SLC35F1: variants seen among roughly 807,000 people sequenced by gnomAD.
The protein encoded by SLC35F1 is solute carrier family 35 member F1.
A neutral mutation model predicts 48.7 loss-of-function variants in SLC35F1; 14 were observed. The ratio of observed to expected loss-of-function variants is 0.29; its 90% CI spans 0.19 to 0.45. SLC35F1 has a LOEUF of 0.45. Ranked by LOEUF, SLC35F1 falls within the 20% of genes least tolerant of loss-of-function variation. The pLI, the probability that SLC35F1 is intolerant of heterozygous loss-of-function variation, is 1.00. For synonymous variants in SLC35F1, 190 were observed against 202.2 expected, an observed-to-expected ratio of 0.94 and a Z score of 0.51; for missense variants, 404 against 500.0, an observed-to-expected ratio of 0.81 and a Z score of 1.83.
At chr6:118,187,572 A>G (rs73523983) in intron 2 of SLC35F1, among the ~76,000 whole-genome samples, 10,741 of 152,150 alleles carry the variant, frequency 0.071, 1,273 homozygotes, top group African/African-American at 0.24. Flanking sequence ...CTAGTTATCC[A>G]GCGCGTGGGT....
chr6:118,119,231 T>C (rs1582675756), intron 1 of SLC35F1, among the ~76,000 whole-genome samples: 2 of 152,134 alleles, frequency 1.3e-5, no homozygotes, highest in East Asian at 3.9e-4. Flanking sequence ...TGACGTAAAA[T>C]AATTCAGCTG....
intron 3 of SLC35F1, among the ~76,000 whole-genome samples, chr6:118,266,678 G>A (rs1775777712): frequency 6.6e-6 from 1 of 152,132 alleles, no homozygotes; most frequent in African/African-American, 2.4e-5. Flanking sequence ...AGCATGGCCT[G>A]GCCCTGAGGA....
chr6:118,309,520 G>A (rs1776350395), intron 7 of SLC35F1, among the ~76,000 whole-genome samples: 2 of 152,174 alleles, frequency 1.3e-5, no homozygotes, highest in East Asian at 3.9e-4. Context: ...GATCACCCAT[G>A]TTCTCCTCTG....
At chr6:118,284,687 T>C (rs1259916338) in intron 6 of SLC35F1, among the ~76,000 whole-genome samples, 1 of 152,202 alleles carries the variant, frequency 6.6e-6, no homozygotes, top group Non-Finnish European at 1.5e-5. Flanking sequence ...GTCAAGATTC[T>C]AATTCAGTAT....
At chr6:118,212,898 G>C (rs1775025210) in intron 2 of SLC35F1, among the ~76,000 whole-genome samples, 2 of 152,046 alleles carry the variant, frequency 1.3e-5, no homozygotes, top group Non-Finnish European at 2.9e-5. Flanking sequence ...AATTAACTTT[G>C]GGAAATCCTA....
At chr6:118,160,437 G>C (rs1562310206) in intron 2 of SLC35F1, among the ~76,000 whole-genome samples, 1 of 152,152 alleles carries the variant, frequency 6.6e-6, no homozygotes, top group Non-Finnish European at 1.5e-5. Context: ...CTGTTTCTTT[G>C]TGTGAGTGTA....
chr6:118,011,586 G>A (rs1020914080), intron 1 of SLC35F1, among the ~76,000 whole-genome samples: 9 of 152,064 alleles, frequency 5.9e-5, no homozygotes, highest in Admixed American at 1.3e-4. Context: ...TATCAATTGC[G>A]GAACCAAGAT....
At chr6:117,942,502 A>G (rs1277778460) in intron 1 of SLC35F1, among the ~76,000 whole-genome samples, 1 of 152,176 alleles carries the variant, frequency 6.6e-6, no homozygotes, top group Non-Finnish European at 1.5e-5. Flanking sequence ...GAACAGCTAA[A>G]TTTCACTTTT....
intron 1 of SLC35F1, among the ~76,000 whole-genome samples, chr6:118,049,978 A>G (rs201097636): frequency 0.15 from 22,153 of 152,152 alleles, 1,806 homozygotes; most frequent in Admixed American, 0.25. Flanking sequence ...ATGTCCAACA[A>G]CGATAGACTG....
chr6:118,007,537 T>C (rs1439697063), intron 1 of SLC35F1, among the ~76,000 whole-genome samples: 1 of 152,172 alleles, frequency 6.6e-6, no homozygotes, highest in African/African-American at 2.4e-5. Context: ...AGTTCAATCA[T>C]TGTAAACTGG....
At chr6:117,930,455 A>G (rs1468935430) in intron 1 of SLC35F1, among the ~76,000 whole-genome samples, 1 of 152,196 alleles carries the variant, frequency 6.6e-6, no homozygotes, top group African/African-American at 2.4e-5. Flanking sequence ...TAGGGCTTGA[A>G]AGGAAAGCCC....
At chr6:118,248,452 G>A (rs954859691) in intron 3 of SLC35F1, among the ~76,000 whole-genome samples, 1 of 152,198 alleles carries the variant, frequency 6.6e-6, no homozygotes, top group East Asian at 1.9e-4. Context: ...AATCATAAAG[G>A]TTCTTTGAAG....
At chr6:118,181,551 C>T (rs961872447) in intron 2 of SLC35F1, among the ~76,000 whole-genome samples, 1 of 152,050 alleles carries the variant, frequency 6.6e-6, no homozygotes, top group Non-Finnish European at 1.5e-5. Context: ...AGAAACAATA[C>T]ATGAGACAAA....
At position 118,022,075 on chromosome 6, in the gene SLC35F1, A is replaced by G. The variant is rs1397490766; in HGVS notation, c.173+114176A>G. On this transcript the variant is annotated intron_variant, in intron 1 of 7. Transcript: ENST00000360388. ...AAGAAACAGAGTCTACTTCTTGAAGAGAGGATTGCCAAAACCACATTGCAA... is the reference window on the plus strand; with the variant it reads ...AAGAAACAGAGTCTACTTCTTGAAGGGAGGATTGCCAAAACCACATTGCAA... Among the ~76,000 whole-genome samples, 4 of 152,326 alleles carry G rather than the reference A, an allele frequency of 2.6e-5. No individual in the cohort carries two copies. The South Asian group carries it at 6.2e-4, about 24-fold the overall frequency.
At chr6:118,277,342 A>G in intron 5 of SLC35F1, 152 bp from the exon 6 acceptor site, 1 of 693,990 alleles carries the variant, frequency 1.4e-6, no homozygotes, top group Non-Finnish European at 2.5e-6. Flanking sequence ...GCCTAATTAG[A>G]CTTGCTTCTG....
rs376379924 is a variant in SLC35F1, at chr6:118,080,302, C to T, written c.174-74143C>T. ...TTTTTTGCTTTCATCCCATATCCCACTACTGCAGCTCTGATTTTGGTAAAA... is the reference window on the plus strand; with the variant it reads ...TTTTTTGCTTTCATCCCATATCCCATTACTGCAGCTCTGATTTTGGTAAAA... On this transcript the variant is annotated intron_variant, in intron 1 of 7. Coordinates refer to ENST00000360388, the MANE Select transcript of SLC35F1 (RefSeq NM_001029858.4). 8.5e-5 allele frequency among the ~76,000 whole-genome samples: 13 copies of T among 152,330 alleles called. No homozygotes were observed. The East Asian group carries it at 2.5e-3, about 29-fold the overall frequency.
At chr6:117,951,942 G>A (rs961750338) in intron 1 of SLC35F1, among the ~76,000 whole-genome samples, 3 of 152,238 alleles carry the variant, frequency 2.0e-5, no homozygotes, top group Admixed American at 2.0e-4. Flanking sequence ...GTGGAATGCA[G>A]AGCTTCTGAA....
At chr6:118,021,904 T>C (rs1777400983) in intron 1 of SLC35F1, among the ~76,000 whole-genome samples, 1 of 152,178 alleles carries the variant, frequency 6.6e-6, no homozygotes. Context: ...CACTGGGGCC[T>C]CTGTCTTTAG....
intron 1 of SLC35F1, among the ~76,000 whole-genome samples, chr6:118,050,841 ATT>A (rs930901156): frequency 2.0e-5 from 3 of 152,140 alleles, no homozygotes; most frequent in African/African-American, 7.2e-5. Flanking sequence ...GACTTCAATC[ATT>A]TGTTAGCTGT....
Sources: gnomAD v4.1 joint callset for allele counts (sites outside exome capture counted in the v4.1 genomes callset) on GRCh38, gnomAD v4.1.1 for gene constraint, MANE v1.5 for transcripts, NCBI Gene and HGNC (gene_info 2026-07-23, HGNC 2026-07-21) for gene names.